GRIK2: variants seen among roughly 807,000 people sequenced by gnomAD.
GRIK2 encodes the protein glutamate ionotropic receptor kainate type subunit 2.
A neutral mutation model predicts 100.3 loss-of-function variants in GRIK2; 32 were observed. The ratio of observed to expected loss-of-function variants is 0.32; its 90% CI spans 0.24 to 0.43. GRIK2 has a LOEUF of 0.43. GRIK2 is among the 20% of genes least tolerant of loss of function. The pLI is 1.00. For missense variants in GRIK2, 843 were observed against 1,114.9 expected (o/e 0.76, Z 3.47); for synonymous variants, 417 against 389.4 (o/e 1.07, Z -0.83).
intron 14 of GRIK2, among the ~76,000 whole-genome samples, chr6:101,939,643 C>T (rs1057074434): frequency 7.9e-5 from 12 of 152,186 alleles, no homozygotes; most frequent in African/African-American, 2.4e-4. Context: ...TACAGATAGT[C>T]AATCTTTTAA....
intron 2 of GRIK2, among the ~76,000 whole-genome samples, chr6:101,445,711 G>A (rs1300750736): frequency 1.3e-5 from 2 of 152,000 alleles, no homozygotes; most frequent in African/African-American, 4.8e-5. Context: ...TAACTCTATA[G>A]CAAATTCTTG....
chr6:101,988,239 CATT>C (rs1392935579), intron 14 of GRIK2, among the ~76,000 whole-genome samples: 3 of 151,416 alleles, frequency 2.0e-5, no homozygotes, highest in Non-Finnish European at 4.4e-5. Flanking sequence ...AAAAATTAAT[CATT>C]ATGTCTTATA....
Position 101,464,497 on chromosome 6 carries a change from C to CTTTTTTTTTTTTTTTTTTT in GRIK2, c.115+65125_115+65143dup, listed in dbSNP as rs71028069. Reference sequence around the variant, plus strand: ...TAATTTTTACCTTTTCTTTTTCTTTCTTTTTTTTTTTTTTTTTTTTTTTTT... The same window carrying CTTTTTTTTTTTTTTTTTTT: ...TAATTTTTACCTTTTCTTTTTCTTTCTTTTTTTTTTTTTTTTTTTTTTTTTTTTTTTTTTTTTTTTTTTT... On this transcript the variant is annotated intron_variant, in intron 2 of 16. Coordinates refer to ENST00000369134, the MANE Select transcript of GRIK2 (RefSeq NM_021956.5). 8.1e-5 allele frequency among the ~76,000 whole-genome samples: 5 copies of CTTTTTTTTTTTTTTTTTTT among 62,012 alleles called. 1 individual carries two copies. The highest frequency in any genetic ancestry group is 8.9e-5 in the Non-Finnish European group (3 of 33,788). 40.7% of individuals were successfully genotyped at this position (62,012 alleles called of 152,430 possible).
At chr6:101,418,632 G>T (rs183866967) in intron 2 of GRIK2, among the ~76,000 whole-genome samples, 9 of 152,242 alleles carry the variant, frequency 5.9e-5, no homozygotes, top group Non-Finnish European at 5.9e-5. Flanking sequence ...TTCTGTGAGG[G>T]TGATAGTTAG....
intron 7 of GRIK2, among the ~76,000 whole-genome samples, chr6:101,694,119 C>T (rs995240720): frequency 1.3e-5 from 2 of 152,096 alleles, no homozygotes; most frequent in Non-Finnish European, 2.9e-5. Flanking sequence ...TAAGACTCCA[C>T]ATCTGCATCT....
intron 14 of GRIK2, among the ~76,000 whole-genome samples, chr6:101,999,820 A>G (rs983046442): frequency 3.3e-5 from 5 of 152,078 alleles, no homozygotes; most frequent in African/African-American, 1.2e-4. Context: ...TAGGTAACTT[A>G]TATCGGGTTG....
intron 10 of GRIK2, among the ~76,000 whole-genome samples, chr6:101,843,289 G>A (rs2128435800): frequency 6.6e-6 from 1 of 152,212 alleles, no homozygotes; most frequent in African/African-American, 2.4e-5. Context: ...CAGAGTTTGT[G>A]GGGGTAAAGA....
chr6:101,433,948 G>C (rs534353207), intron 2 of GRIK2, among the ~76,000 whole-genome samples: 1 of 152,182 alleles, frequency 6.6e-6, no homozygotes, highest in African/African-American at 2.4e-5. Context: ...CGACTAGAGA[G>C]TTGAAGTCCG....
chr6:101,557,805 C>T (rs1432900192), intron 2 of GRIK2, among the ~76,000 whole-genome samples: 1 of 152,182 alleles, frequency 6.6e-6, no homozygotes, highest in East Asian at 1.9e-4. Context: ...TCATTTAGCA[C>T]CAATGCCTTC....
chr6:101,727,621 C>A (rs1350133903), intron 7 of GRIK2, among the ~76,000 whole-genome samples: 2 of 152,020 alleles, frequency 1.3e-5, no homozygotes, highest in Non-Finnish European at 2.9e-5. Context: ...GTTACATTTC[C>A]TGTGAGAAAA....
At chr6:101,982,557 G>A (rs903547605) in intron 14 of GRIK2, among the ~76,000 whole-genome samples, 5 of 151,640 alleles carry the variant, frequency 3.3e-5, no homozygotes, top group Non-Finnish European at 7.4e-5. Flanking sequence ...GTCCTGGATA[G>A]TGAAGCTTAC....
At chr6:101,751,459 A>G (rs1776780394) in intron 7 of GRIK2, among the ~76,000 whole-genome samples, 1 of 152,176 alleles carries the variant, frequency 6.6e-6, no homozygotes, top group Non-Finnish European at 1.5e-5. Flanking sequence ...ATTGATACAT[A>G]TTATGTTTTG....
intron 2 of GRIK2, among the ~76,000 whole-genome samples, chr6:101,563,487 G>A (rs1777118949): frequency 6.6e-6 from 1 of 152,116 alleles, no homozygotes; most frequent in South Asian, 2.1e-4. Flanking sequence ...TCAGCTGGAT[G>A]CTTTCCAATG....
chr6:102,021,968 A>G (rs1299969524), intron 14 of GRIK2, among the ~76,000 whole-genome samples: 1 of 150,404 alleles, frequency 6.6e-6, no homozygotes, highest in East Asian at 1.9e-4. Context: ...AAAAAAAAAA[A>G]CTATGGATAT....
chr6:101,822,437 G>A (rs1782018190), intron 10 of GRIK2, among the ~76,000 whole-genome samples: 1 of 151,916 alleles, frequency 6.6e-6, no homozygotes, highest in South Asian at 2.1e-4. Context: ...GGGCAAGGGA[G>A]TATTCTAGGC....
At chr6:101,929,594 C>T (rs950436889) in intron 14 of GRIK2, among the ~76,000 whole-genome samples, 9 of 152,028 alleles carry the variant, frequency 5.9e-5, no homozygotes, top group South Asian at 2.1e-4. Context: ...TTCTCACTAT[C>T]GAGGAGATTA....
intron 10 of GRIK2, among the ~76,000 whole-genome samples, chr6:101,850,027 A>G (rs1445436108): frequency 2.0e-5 from 3 of 151,956 alleles, no homozygotes. Context: ...ATTTTTCAAA[A>G]TAAATGATTT....
At chr6:101,776,198 A>G (rs568126767) in intron 7 of GRIK2, among the ~76,000 whole-genome samples, 1 of 152,342 alleles carries the variant, frequency 6.6e-6, no homozygotes, top group Non-Finnish European at 1.5e-5. Flanking sequence ...AGAAAAGACC[A>G]TAATATAAAT....
chr6:101,700,988 G>A (rs544901706), intron 7 of GRIK2, among the ~76,000 whole-genome samples: 11 of 152,150 alleles, frequency 7.2e-5, no homozygotes, highest in Non-Finnish European at 1.3e-4. Flanking sequence ...CCGAAGTGGG[G>A]CTATTGCAAA....
Sources: allele counts gnomAD v4.1 joint callset (sites outside exome capture counted in the v4.1 genomes callset), GRCh38; gene constraint gnomAD v4.1.1; transcripts MANE v1.5; gene names NCBI Gene and HGNC (gene_info 2026-07-23, HGNC 2026-07-21).